The following IFT140 variants were observed in gnomAD, a reference collection of about 807,000 sequenced individuals.
IFT140 encodes the protein intraflagellar transport protein 140 homolog.
Under a neutral mutation model 164.6 loss-of-function variants are expected in IFT140, and 133 were observed. The ratio of observed to expected loss-of-function variants is 0.81; its 90% CI spans 0.70 to 0.93. The LOEUF (loss-of-function observed/expected upper bound fraction) is 0.93, where lower values mean the gene tolerates loss of function less well. Ranked by LOEUF, IFT140 falls within the 40% of genes least tolerant of loss-of-function variation. The probability of loss-of-function intolerance (pLI) is 0.00; values close to 1 mark genes in which losing one functional copy is unlikely to be tolerated. For missense variants in IFT140, 2,045 were observed against 1,972.3 expected, an observed-to-expected ratio of 1.04 and a Z score of -0.70; for synonymous variants, 860 against 817.3, an observed-to-expected ratio of 1.05 and a Z score of -0.89.
intron 29 of IFT140, among the ~76,000 whole-genome samples, chr16:1,519,570 C>A (rs138167865): frequency 1.0e-3 from 155 of 152,220 alleles, no homozygotes; most frequent in South Asian, 2.3e-3. Flanking sequence ...CCTGCCCGGC[C>A]CCTGCACACC....
At chr16:1,524,240 G>T in intron 24 of IFT140, 1 of 602,290 alleles carries the variant, frequency 1.7e-6, no homozygotes, top group Non-Finnish European at 2.9e-6. Context: ...GGTGCAGAAC[G>T]CCCAACAGCT....
intron 2 of IFT140, among the ~76,000 whole-genome samples, chr16:1,607,721 G>C (rs1282287410): frequency 6.6e-6 from 1 of 152,182 alleles, no homozygotes; most frequent in Admixed American, 6.5e-5. Context: ...ACGGCTCACT[G>C]CAGCCTCAAA....
At position 1,533,930 on chromosome 16, in the gene IFT140, G is replaced by A; in HGVS notation, c.2400-7134C>T. 5.7e-6 allele frequency: 2 copies of A among 350,452 alleles called. No homozygotes were observed. The highest frequency in any genetic ancestry group is 5.0e-5 in the Admixed American group (1 of 20,088). The allele number at this position is 350,452 out of a possible 1,614,324, so 21.7% of individuals were successfully genotyped here. On this transcript the variant is annotated intron_variant, in intron 19 of 30. Transcript: ENST00000426508. This position sits in a 1 kb window ranked among gnomAD's most constrained non-coding sequence, Gnocchi z 4.7. ...CCGAGTGACTCTGTTTTCCACTGCT[G>A]CAGGCGAGAAGAGGCACGCGCGGCA...
At chr16:1,514,541 CTT>C (rs1410042525) in intron 30 of IFT140, 8 of 152,284 alleles carry the variant, frequency 5.3e-5, no homozygotes, top group Non-Finnish European at 2.9e-5. Flanking sequence ...GAGGTGCAGA[CTT>C]TAAGCCAACT....
intron 13 of IFT140, among the ~76,000 whole-genome samples, chr16:1,574,785 C>G (rs1351212637): frequency 6.6e-6 from 1 of 152,022 alleles, no homozygotes; most frequent in African/African-American, 2.4e-5. Context: ...CCCTCAGGTT[C>G]TCCATGGGGC....
intron 4 of IFT140, among the ~76,000 whole-genome samples, chr16:1,600,950 A>C (rs898384581): frequency 6.6e-6 from 1 of 151,982 alleles, no homozygotes; most frequent in African/African-American, 2.4e-5. Context: ...CAACCAACTG[A>C]CCAGGGAATT....
Position 1,572,725 on chromosome 16 carries a change from G to T in IFT140, c.1525-1191C>A, listed in dbSNP as rs141604003. Among the ~76,000 whole-genome samples the T allele has an allele frequency of 5.9e-3, 892 of 152,348 alleles. 2 individuals are homozygous for T. Among genetic ancestry groups the T allele is most frequent in the Middle Eastern group, 0.01 (3 of 294 alleles). Reference sequence around the variant, plus strand: ...GCTGGAGCAGACCTCATGCTTTGTGGTGTGTCTTTTAGGGACTAACCTTAA... The same window carrying T: ...GCTGGAGCAGACCTCATGCTTTGTGTTGTGTCTTTTAGGGACTAACCTTAA... On this transcript the variant is annotated intron_variant, in intron 13 of 30. Coordinates refer to ENST00000426508, the MANE Select transcript of IFT140 (RefSeq NM_014714.4).
At chr16:1,560,663 T>C (rs989651431) in intron 18 of IFT140, among the ~76,000 whole-genome samples, 1 of 152,228 alleles carries the variant, frequency 6.6e-6, no homozygotes, top group African/African-American at 2.4e-5. Flanking sequence ...CTTCTCGGAA[T>C]GTCCCTCTGG....
chr16:1,554,403 C>G (rs1230737042), intron 19 of IFT140, among the ~76,000 whole-genome samples: 1 of 152,030 alleles, frequency 6.6e-6, no homozygotes, highest in African/African-American at 2.4e-5. Flanking sequence ...TAGGAAAGGC[C>G]CCCCCAAGTT....
intron 13 of IFT140, 116 bp downstream of exon 13, chr16:1,580,643 A>C (rs1041610560): frequency 2.0e-5 from 14 of 688,804 alleles, no homozygotes; most frequent in Non-Finnish European, 3.6e-5. Flanking sequence ...AGTTCTTTAC[A>C]CAGTGTGAGA....
At chr16:1,546,315 A>T (rs886926608) in intron 19 of IFT140, among the ~76,000 whole-genome samples, 1 of 152,142 alleles carries the variant, frequency 6.6e-6, no homozygotes, top group Non-Finnish European at 1.5e-5. Context: ...GTGCCTGAGG[A>T]TGCTCCGAGC....
intron 10 of IFT140, 27 bp downstream of exon 10, chr16:1,586,103 T>A (rs765727924): frequency 6.2e-7 from 1 of 1,607,440 alleles, no homozygotes. Context: ...AGAAAATGAG[T>A]GCACCGAACA....
Position 1,520,225 on chromosome 16 carries a change from C to T in IFT140, c.3779G>A (p.Arg1260Gln), listed in dbSNP as rs571556177. 7.6e-5 allele frequency: 123 copies of T among 1,614,222 alleles called. No homozygotes were observed. Among genetic ancestry groups the T allele is most frequent in the Middle Eastern group, 4.9e-4 (3 of 6,062 alleles). ...GTTCTTCATGATCTCCGGCTCCTTC[C>T]GCCAGTCCAGGGACTGCAGGTAGTT... ...AANYLQSLDWRKEPEIMKNII... is the reference protein window; with the variant it reads ...AANYLQSLDWQKEPEIMKNII... Residue 1260 changes from arginine (R) to glutamine (Q), a missense_variant, in exon 28 of 31, where the codon CGG (arginine) becomes CAG (glutamine). Physicochemically the swap from Arg to Gln is conservative, Grantham distance 43. Coordinates refer to ENST00000426508, the MANE Select transcript of IFT140 (RefSeq NM_014714.4).
chr16:1,589,755 C>T lies in IFT140; in HGVS notation c.660G>A (p.Lys220=). The change falls in exon 7 of 31, where the codon AAG becomes AAA. Residue 220 remains lysine (K), a synonymous_variant. Coordinates refer to ENST00000426508, the MANE Select transcript of IFT140 (RefSeq NM_014714.4). The stretch of plus-strand genomic sequence containing the variant: ...CGGACACCACCTGAGTGGTCTTGCC[C>T]TTCTCATCCACATAGTGCACTGTCC... ...MDGTVHYVDE[K]GKTTQVVSAD... 8 of 1,614,186 alleles carry T rather than the reference C, an allele frequency of 5.0e-6. No homozygotes were observed. Among genetic ancestry groups the T allele is most frequent in the Non-Finnish European group, 6.8e-6 (8 of 1,180,018 alleles).
intron 30 of IFT140, among the ~76,000 whole-genome samples, chr16:1,513,953 G>T (rs150722688): frequency 2.6e-5 from 4 of 151,078 alleles, no homozygotes; most frequent in African/African-American, 4.9e-5. Context: ...GATTACAGGC[G>T]TGAGCCACTG....
chr16:1,550,955 C>T (rs925173381), intron 19 of IFT140, among the ~76,000 whole-genome samples: 1 of 152,162 alleles, frequency 6.6e-6, no homozygotes. Flanking sequence ...CCTTGGGAAT[C>T]GTGCTGCCCC....
At position 1,523,526 on chromosome 16, in the gene IFT140, C is replaced by T; in HGVS notation, c.3445G>A (p.Ala1149Thr). ...CCCCGCTGGCCCCGTACCTTCCTGG[C>T]AGCCAGCAGCAGCTCTACCGCCCTC... ...YERAVELLLAARKYQEALQLC... is the reference protein window; with the variant it reads ...YERAVELLLATRKYQEALQLC... Residue 1149 changes from alanine to threonine, a missense_variant, in exon 26 of 31, where the codon GCC (alanine) becomes ACC (threonine). Ala to Thr is a moderately conservative substitution (Grantham distance 58). Coordinates refer to ENST00000426508, the MANE Select transcript of IFT140 (RefSeq NM_014714.4). The T allele has an allele frequency of 6.2e-7, 1 of 1,610,884 alleles. No individual in the cohort carries two copies. The highest frequency in any genetic ancestry group is 1.1e-5 in the South Asian group (1 of 91,058).
At chr16:1,555,947 CA>C (rs548788837) in intron 19 of IFT140, among the ~76,000 whole-genome samples, 1 of 150,706 alleles carries the variant, frequency 6.6e-6, no homozygotes, top group Non-Finnish European at 1.5e-5. Flanking sequence ...ACTAAAAATC[CA>C]AAAAAAAATT....
intron 30 of IFT140, among the ~76,000 whole-genome samples, chr16:1,511,868 A>G (rs1243580544): frequency 1.3e-5 from 2 of 151,746 alleles, no homozygotes; most frequent in African/African-American, 4.8e-5. Flanking sequence ...AGCTTGGGTA[A>G]TGCTGTAGTG....
Sources: gnomAD v4.1 joint callset for allele counts (sites outside exome capture counted in the v4.1 genomes callset) on GRCh38, gnomAD v4.1.1 for gene constraint, Gnocchi (gnomAD v3.1) non-coding constraint, MANE v1.5 for transcripts, NCBI Gene and HGNC (gene_info 2026-07-23, HGNC 2026-07-21) for gene names.